The following SPATA13 variants were observed in gnomAD, a reference collection of about 807,000 sequenced individuals.
SPATA13 encodes the protein spermatogenesis associated 13, also known as spermatogenesis-associated protein 13.
Under a neutral mutation model 104.0 loss-of-function variants are expected in SPATA13, and 50 were observed. The ratio of observed to expected loss-of-function variants is 0.48; its 90% CI spans 0.38 to 0.61. SPATA13 has a LOEUF of 0.61. SPATA13 is among the 20% of genes least tolerant of loss of function. The pLI, the probability that SPATA13 is intolerant of heterozygous loss-of-function variation, is 0.00. For synonymous variants in SPATA13, 606 were observed against 667.5 expected, an observed-to-expected ratio of 0.91 and a Z score of 1.42; for missense variants, 1,524 against 1,690.6, an observed-to-expected ratio of 0.90 and a Z score of 1.73.
At chr13:24,185,327 T>C (rs954852066) in intron 1 of SPATA13, among the ~76,000 whole-genome samples, 30 of 152,216 alleles carry the variant, frequency 2.0e-4, no homozygotes, top group African/African-American at 7.0e-4. Context: ...TTTTATTTCT[T>C]AGTGAAGTAC....
At chr13:24,057,005 TTC>T (rs60596587) in intron 3 of SPATA13, among the ~76,000 whole-genome samples, 68,492 of 130,658 alleles carry the variant, frequency 0.52, 17,760 homozygotes, top group East Asian at 0.66. Context: ...GCTGTTTTCT[TTC>T]TCTCTCTCTC....
Position 24,195,240 on chromosome 13 carries a change from A to G in SPATA13, c.-111-27579A>G, listed in dbSNP as rs531072166. On this transcript the variant is annotated intron_variant, in intron 1 of 12. Coordinates refer to ENST00000382108, the MANE Select transcript of SPATA13 (RefSeq NM_001166271.3). Reference sequence around the variant, plus strand: ...TTTGTGACTGGCTTCTTTTACTTAGATAATATTTTCAGTGTGCATTCATGT... The same window carrying G: ...TTTGTGACTGGCTTCTTTTACTTAGGTAATATTTTCAGTGTGCATTCATGT... Among the ~76,000 whole-genome samples the G allele has an allele frequency of 2.7e-4, 41 of 151,262 alleles. No homozygotes were observed. The South Asian group carries it at 8.3e-3, about 31-fold the overall frequency.
intron 3 of SPATA13, among the ~76,000 whole-genome samples, chr13:24,150,545 T>C (rs1330142833): frequency 6.6e-6 from 1 of 152,094 alleles, no homozygotes; most frequent in Non-Finnish European, 1.5e-5. Context: ...AGATAAATAT[T>C]GATTGATTTT....
chr13:24,189,218 T>C (rs536924943), intron 1 of SPATA13, among the ~76,000 whole-genome samples: 20 of 152,172 alleles, frequency 1.3e-4, no homozygotes, highest in South Asian at 4.1e-4. Flanking sequence ...ATGCCTGTAA[T>C]CCCAGCACTT....
At chr13:24,199,158 G>A (rs894233609) in intron 1 of SPATA13, among the ~76,000 whole-genome samples, 2 of 152,024 alleles carry the variant, frequency 1.3e-5, no homozygotes, top group African/African-American at 2.4e-5. Context: ...CAAAGTTCTG[G>A]GATTACAGGC....
rs773955765 is a variant in SPATA13, at chr13:24,166,277, A to G, written c.-112+5345A>G. ...TTCTTGTCTAGAGGGAGAGGCCCAT[A>G]TGTAAAAGCAAAGCAGTGAAAAGTA... On this transcript the variant is annotated intron_variant, in intron 1 of 12. Coordinates refer to ENST00000382108, the MANE Select transcript of SPATA13 (RefSeq NM_001166271.3). Among the ~76,000 whole-genome samples the G allele has an allele frequency of 1.6e-4, 25 of 152,202 alleles. 1 individual carries two copies. The highest frequency in any genetic ancestry group is 9.2e-4 in the Admixed American group (14 of 15,284).
At chr13:24,162,713 C>A (rs904891498) in intron 1 of SPATA13, among the ~76,000 whole-genome samples, 1 of 152,214 alleles carries the variant, frequency 6.6e-6, no homozygotes, top group Non-Finnish European at 1.5e-5. Flanking sequence ...CTCCACACAT[C>A]CCTATAATGT....
At chr13:24,279,934 T>C (rs1220875176) in intron 4 of SPATA13, among the ~76,000 whole-genome samples, 1 of 152,242 alleles carries the variant, frequency 6.6e-6, no homozygotes, top group Non-Finnish European at 1.5e-5. Flanking sequence ...GCAGTGTCGC[T>C]AACTACTAAT....
intron 1 of SPATA13, among the ~76,000 whole-genome samples, chr13:24,166,184 T>A (rs1253757800): frequency 6.6e-6 from 1 of 152,228 alleles, no homozygotes; most frequent in Middle Eastern, 3.2e-3. Flanking sequence ...TGTGTATCTT[T>A]TGTGTACTAG....
chr13:24,053,617 TCCCAGGAGCA>T (rs1878440786), intron 3 of SPATA13, among the ~76,000 whole-genome samples: 2 of 152,112 alleles, frequency 1.3e-5, no homozygotes, highest in South Asian at 4.1e-4. Flanking sequence ...CCACTAGATG[TCCCAGGAGCA>T]CCCACTTTGG....
At chr13:23,996,797 C>A (rs1593265025) in intron 2 of SPATA13, among the ~76,000 whole-genome samples, 1 of 152,088 alleles carries the variant, frequency 6.6e-6, no homozygotes. Context: ...TGGCTTGTGG[C>A]CCCTCCTCCA....
At chr13:24,138,416 T>C (rs971661097) in intron 3 of SPATA13, among the ~76,000 whole-genome samples, 3 of 152,208 alleles carry the variant, frequency 2.0e-5, no homozygotes, top group South Asian at 4.1e-4. Context: ...TCAGTTTTCC[T>C]AGGACTGGAA....
chr13:24,156,760 T>G (rs531499446), upstream of SPATA13, among the ~76,000 whole-genome samples: 4 of 152,320 alleles, frequency 2.6e-5, no homozygotes. Flanking sequence ...ACACTTAATT[T>G]TCACCATAAG....
intron 3 of SPATA13, chr13:24,122,259 C>G: frequency 7.6e-7 from 1 of 1,324,270 alleles, no homozygotes; most frequent in Non-Finnish European, 1.1e-6. Flanking sequence ...TGATACCACA[C>G]AGGATTACGA....
At chr13:24,014,481 A>C (rs973018237) in intron 2 of SPATA13, among the ~76,000 whole-genome samples, 6 of 152,226 alleles carry the variant, frequency 3.9e-5, no homozygotes, top group African/African-American at 1.2e-4. Flanking sequence ...GTGGATGAAC[A>C]CATATTTTGC....
intron 2 of SPATA13, among the ~76,000 whole-genome samples, chr13:24,246,682 A>C (rs1328084521): frequency 6.6e-6 from 1 of 152,100 alleles, no homozygotes; most frequent in Non-Finnish European, 1.5e-5. Flanking sequence ...ACATGGTGAA[A>C]CCGTGTCTCT....
chr13:24,041,601 A>T (rs1877931788), intron 3 of SPATA13, among the ~76,000 whole-genome samples: 1 of 152,194 alleles, frequency 6.6e-6, no homozygotes, highest in African/African-American at 2.4e-5. Context: ...AACCATGGTG[A>T]TGTTAAGGAA....
chr13:24,136,444 C>T (rs1429135810), intron 3 of SPATA13, among the ~76,000 whole-genome samples: 1 of 151,556 alleles, frequency 6.6e-6, no homozygotes, highest in East Asian at 1.9e-4. Flanking sequence ...CCATTGCACT[C>T]CAGCCTGGGT....
At chr13:24,180,772 A>AT (rs1401348321) in intron 1 of SPATA13, among the ~76,000 whole-genome samples, 1 of 151,648 alleles carries the variant, frequency 6.6e-6, no homozygotes, top group Non-Finnish European at 1.5e-5. Flanking sequence ...TTTTTTTTTG[A>AT]TTATTGATTG....
Sources: allele counts gnomAD v4.1 joint callset (sites outside exome capture counted in the v4.1 genomes callset), GRCh38; gene constraint gnomAD v4.1.1; transcripts MANE v1.5; gene names NCBI Gene and HGNC (gene_info 2026-07-23, HGNC 2026-07-21).